Variants in TRIM15 observed in about 807,000 individuals in gnomAD.
TRIM15 encodes E3 ubiquitin-protein ligase TRIM15.
A neutral mutation model predicts 35.8 loss-of-function variants in TRIM15; 35 were observed. That is an observed-to-expected ratio of 0.98 (90% CI 0.75 to 1.30). TRIM15 has a LOEUF of 1.30. Ranked by LOEUF, TRIM15 falls within the 50% of genes most tolerant of loss-of-function variation. TRIM15 has a pLI of 0.00. For synonymous variants in TRIM15, 252 were observed against 249.8 expected (o/e 1.01, Z -0.08); for missense variants, 590 against 593.5 (o/e 0.99, Z 0.06).
At position 30,169,570 on chromosome 6, in the gene TRIM15, G is replaced by A. The variant is rs1307510151; in HGVS notation, c.731+307G>A. 1.2e-5 allele frequency: 8 copies of A among 653,622 alleles called. No homozygotes were observed. The Admixed American group carries it at 1.7e-4, about 14-fold the overall frequency. 40.5% of individuals were successfully genotyped at this position (653,622 alleles called of 1,614,324 possible). ...TTAATCTATGAAATTATTAGTACTTGAGTCAGTATCTAACACCATTTAAAA... is the reference window on the plus strand; with the variant it reads ...TTAATCTATGAAATTATTAGTACTTAAGTCAGTATCTAACACCATTTAAAA... On this transcript the variant is annotated intron_variant, in intron 4 of 6. Coordinates refer to ENST00000376694, the MANE Select transcript of TRIM15 (RefSeq NM_033229.3).
intron 3 of TRIM15, 76 bp downstream of exon 3, chr6:30,168,606 T>A: frequency 7.2e-7 from 1 of 1,383,474 alleles, no homozygotes; most frequent in South Asian, 1.2e-5. Flanking sequence ...TGCTTTGGGC[T>A]GGAGAGAGGC....
chr6:30,172,104 G>A lies in TRIM15; in HGVS notation c.1153G>A (p.Gly385Ser), dbSNP rs1327327973. Residue 385 changes from glycine (G) to serine (S), a missense_variant, in exon 7 of 7, where the codon GGC becomes AGC. Coordinates refer to ENST00000376694, the MANE Select transcript of TRIM15 (RefSeq NM_033229.3). ...KGEMGLSAED[G>S]VWAVIISHQQ... ...AGAGATGGGACTCAGCGCCGAGGACGGCGTCTGGGCCGTGATCATCTCGCA... is the reference window on the plus strand; with the variant it reads ...AGAGATGGGACTCAGCGCCGAGGACAGCGTCTGGGCCGTGATCATCTCGCA... 2 of 1,577,848 alleles carry A rather than the reference G, an allele frequency of 1.3e-6. No individual in the cohort carries two copies. The highest frequency in any genetic ancestry group is 1.7e-6 in the Non-Finnish European group (2 of 1,162,324).
intron 4 of TRIM15, chr6:30,169,813 G>A: frequency 3.2e-6 from 1 of 308,700 alleles, no homozygotes; most frequent in South Asian, 2.9e-5. Flanking sequence ...AGTCTGCACT[G>A]AGATGAAGAG....
intron 4 of TRIM15, chr6:30,170,217 T>C (rs1465664908): frequency 4.5e-5 from 17 of 374,098 alleles, no homozygotes; most frequent in Non-Finnish European, 7.7e-5. Context: ...CCAAAAGGGG[T>C]AATGATCTCT....
At chr6:30,166,872 T>C (rs1399163446) in intron 1 of TRIM15, among the ~76,000 whole-genome samples, 4 of 152,232 alleles carry the variant, frequency 2.6e-5, no homozygotes, top group Non-Finnish European at 5.9e-5. Flanking sequence ...TGGAAATTTA[T>C]CTTTCAAGGC....
intron 3 of TRIM15, among the ~76,000 whole-genome samples, chr6:30,168,934 C>T: frequency 6.6e-6 from 1 of 152,168 alleles, no homozygotes; most frequent in Non-Finnish European, 1.5e-5. Flanking sequence ...TCCTGGCTCA[C>T]ATCAGGTCCA....
rs1028917682 is a variant in TRIM15 at position 30,172,275 on chromosome 6, G to T, written c.1324G>T (p.Ala442Ser). 2 of 1,612,918 alleles carry T rather than the reference G, an allele frequency of 1.2e-6. No homozygotes were observed. The highest frequency in any genetic ancestry group is 1.1e-5 in the South Asian group (1 of 91,090). The change falls in exon 7 of 7, where the codon GCC becomes TCC. Residue 442 changes from alanine to serine, a missense_variant. Physicochemically the swap from Ala to Ser is moderately conservative, Grantham distance 99. Transcript: ENST00000376694. ...CCAGGAGCCCATCTTCACCTTCACT[G>T]CCTCTTTCTCCGGCAAAGTCTTCCC... Reference protein sequence around the residue: ...QTQEPIFTFTASFSGKVFPFF... With the variant: ...QTQEPIFTFTSSFSGKVFPFF...
chr6:30,167,327 G>T, intron 2 of TRIM15, 56 bp downstream of exon 2: 1 of 1,429,210 alleles, frequency 7.0e-7, no homozygotes, highest in South Asian at 1.2e-5. Context: ...AAGAGACTCT[G>T]GGGAAACCCG....
Position 30,163,900 on chromosome 6 carries a change from T to A in TRIM15, c.216T>A (p.Pro72=). The change falls in exon 1 of 7, where the codon CCT becomes CCA. Residue 72 remains proline (P), a synonymous_variant. Transcript: ENST00000376694. ...AGCAGGCAGAGACTCCCATGGCCCC[T>A]GTGCCCCTGGGCCCGCTGGGAGAAA... is the stretch of plus-strand genomic sequence containing the variant. ...EEEQAETPMA[P]VPLGPLGETY... 28 of 1,613,070 alleles carry A rather than the reference T, an allele frequency of 1.7e-5. No individual in the cohort carries two copies. The highest frequency in any genetic ancestry group is 2.4e-5 in the Non-Finnish European group (28 of 1,180,016).
rs146120246 is a variant in TRIM15, at chr6:30,165,946, G to A, written c.382-1230G>A. Among the ~76,000 whole-genome samples, 602 of 152,122 alleles carry A rather than the reference G, an allele frequency of 4.0e-3. 50 individuals are homozygous for A. The East Asian group carries it at 0.11, about 29-fold the overall frequency. On this transcript the variant is annotated intron_variant, in intron 1 of 6. Coordinates refer to ENST00000376694, the MANE Select transcript of TRIM15 (RefSeq NM_033229.3). ...ATATCCTTCACCTACTTTTTGATGG[G>A]GCTGTTTGTTTTTTTCTTGTAAATT...
intron 5 of TRIM15, 144 bp downstream of exon 5, chr6:30,170,760 C>A: frequency 2.6e-6 from 2 of 776,428 alleles, no homozygotes; most frequent in East Asian, 2.6e-5. Context: ...TCAATTTATT[C>A]AGGGGCACTA....
At position 30,163,836 on chromosome 6, in the gene TRIM15, C is replaced by G. The variant is rs939685910; in HGVS notation, c.152C>G (p.Ser51Trp). 14 of 1,612,930 alleles carry G rather than the reference C, an allele frequency of 8.7e-6. No homozygotes were observed. Among genetic ancestry groups the G allele is most frequent in the Non-Finnish European group, 1.2e-5 (14 of 1,180,046 alleles). The change falls in exon 1 of 7, where the codon TCG becomes TGG. Residue 51 changes from serine to tryptophan, a missense_variant. Coordinates refer to ENST00000376694, the MANE Select transcript of TRIM15 (RefSeq NM_033229.3). ...CTCTCCCAGATGGGGGCCCAATCCT[C>G]GGGCAAGATCCTGCTCTGCCCGCTC... ...PALSQMGAQS[S>W]GKILLCPLCQ...
chr6:30,168,499 A>T lies in TRIM15; in HGVS notation c.677A>T (p.Lys226Met), dbSNP rs865868557. The T allele has an allele frequency of 1.2e-6, 2 of 1,606,072 alleles. No homozygotes were observed. Among genetic ancestry groups the T allele is most frequent in the Non-Finnish European group, 1.7e-6 (2 of 1,176,236 alleles). The change falls in exon 3 of 7, where the codon AAG becomes ATG. Residue 226 changes from lysine (K) to methionine (M), a missense_variant. Transcript: ENST00000376694. ...LGAQVKELEE[K>M]CQQPASELLQ... Reference sequence around the variant, plus strand: ...GCCCAGGTCAAGGAGCTGGAGGAGAAGTGTCAGCAGCCAGCAAGTGAGCTT... The same window carrying T: ...GCCCAGGTCAAGGAGCTGGAGGAGATGTGTCAGCAGCCAGCAAGTGAGCTT...
chr6:30,171,908 C>A lies in TRIM15; in HGVS notation c.957C>A (p.Thr319=). ...LSEDRKSVRY[T]RQKKSLPDSP... Reference sequence around the variant, plus strand: ...AAGACAGGAAGTCAGTGAGGTACACCCGGCAGAAGAAGAGCCTGCCAGACA... The same window carrying A: ...AAGACAGGAAGTCAGTGAGGTACACACGGCAGAAGAAGAGCCTGCCAGACA... Residue 319 remains threonine (T), a synonymous_variant, in exon 7 of 7, where the codon ACC becomes ACA. Transcript: ENST00000376694. 1 of 1,600,910 alleles carries A rather than the reference C, an allele frequency of 6.2e-7. No individual in the cohort carries two copies. The highest frequency in any genetic ancestry group is 2.3e-5 in the East Asian group (1 of 44,172).
intron 1 of TRIM15, among the ~76,000 whole-genome samples, chr6:30,166,285 G>A (rs1773589715): frequency 6.6e-6 from 1 of 152,162 alleles, no homozygotes; most frequent in African/African-American, 2.4e-5. Flanking sequence ...TTTATTTCAG[G>A]TGTAAGGAAG....
In TRIM15 at chr6:30,172,150, C is replaced by A. The variant is rs1177320260; in HGVS notation, c.1199C>A (p.Thr400Asn). 1.4e-5 allele frequency: 23 copies of A among 1,590,384 alleles called. No homozygotes were observed. The highest frequency in any genetic ancestry group is 2.0e-5 in the Non-Finnish European group (23 of 1,169,026). Residue 400 changes from threonine (T) to asparagine (N), a missense_variant, in exon 7 of 7, where the codon ACC (threonine) becomes AAC (asparagine). Physicochemically the swap from Thr to Asn is moderately conservative, Grantham distance 65. Coordinates refer to ENST00000376694, the MANE Select transcript of TRIM15 (RefSeq NM_033229.3). ...TCGCACCAGCAGTGCTGGGCCAGCACCTCCCCGGGCACCGACCTGCCGCTG... is the reference window on the plus strand; with the variant it reads ...TCGCACCAGCAGTGCTGGGCCAGCAACTCCCCGGGCACCGACCTGCCGCTG... The part of the protein sequence containing the change: ...IISHQQCWAS[T>N]SPGTDLPLSE...
In TRIM15 at chr6:30,168,306, A is replaced by G. The variant is rs61746149; in HGVS notation, c.484A>G (p.Ile162Val). The G allele has an allele frequency of 4.1e-5, 66 of 1,612,544 alleles. No homozygotes were observed. Among genetic ancestry groups the G allele is most frequent in the Non-Finnish European group, 7.6e-6 (9 of 1,179,764 alleles). ...TGCCTTTTATCCCTTGAAGACTCAG[A>G]TCGAAAGCAAGAAGCATCAGGTGGA... ...DQKLQVLLTQ[I>V]ESKKHQVETA... The change falls in exon 3 of 7, where the codon ATC becomes GTC. Residue 162 changes from isoleucine (I) to valine (V), a missense_variant. Ile to Val is a conservative substitution (Grantham distance 29). Transcript: ENST00000376694.
At chr6:30,165,056 C>T (rs1773494901) in intron 1 of TRIM15, among the ~76,000 whole-genome samples, 1 of 152,068 alleles carries the variant, frequency 6.6e-6, no homozygotes, top group Non-Finnish European at 1.5e-5. Flanking sequence ...TCCCTTCCTC[C>T]CACCTCTCTC....
At chr6:30,170,845 T>C in intron 5 of TRIM15, 131 bp from the exon 6 acceptor site, 1 of 1,081,902 alleles carries the variant, frequency 9.2e-7, no homozygotes, top group Non-Finnish European at 1.3e-6. Flanking sequence ...ACCCTTCTCC[T>C]CCACTAGACC....
Sources: allele counts gnomAD v4.1 joint callset (sites outside exome capture counted in the v4.1 genomes callset), GRCh38; gene constraint gnomAD v4.1.1; transcripts MANE v1.5; gene names NCBI Gene and HGNC (gene_info 2026-07-23, HGNC 2026-07-21).